The following KCNB2 variants were observed in gnomAD, a reference collection of about 807,000 sequenced individuals.
KCNB2 encodes the protein delayed rectifier potassium channel protein.
KCNB2 carries 15 observed loss-of-function variants against 61.5 expected under a neutral mutation model. That is an observed-to-expected ratio of 0.24 (90% CI 0.16 to 0.38). The LOEUF (loss-of-function observed/expected upper bound fraction) is 0.38, where lower values mean the gene tolerates loss of function less well. KCNB2 is among the 10% of genes least tolerant of loss of function. KCNB2 has a pLI of 1.00. For missense variants in KCNB2, 828 were observed against 1,125.2 expected, an observed-to-expected ratio of 0.74 and a Z score of 3.78; for synonymous variants, 457 against 446.0, an observed-to-expected ratio of 1.02 and a Z score of -0.31.
At chr8:72,719,517 A>G (rs987702041) in intron 2 of KCNB2, among the ~76,000 whole-genome samples, 1 of 152,272 alleles carries the variant, frequency 6.6e-6, no homozygotes, top group South Asian at 2.1e-4. Flanking sequence ...GCACTTACCA[A>G]TTTAGTATGC....
chr8:72,605,646 A>G (rs1317229531), intron 2 of KCNB2, among the ~76,000 whole-genome samples: 1 of 152,206 alleles, frequency 6.6e-6, no homozygotes, highest in Non-Finnish European at 1.5e-5. Flanking sequence ...AAAGTGCTTC[A>G]GCCTTTGAAG....
chr8:72,848,248 T>C (rs1810033513), intron 2 of KCNB2, among the ~76,000 whole-genome samples: 1 of 152,220 alleles, frequency 6.6e-6, no homozygotes, highest in Non-Finnish European at 1.5e-5. Flanking sequence ...TTTCCAGATA[T>C]GAAAGGGCTT....
At chr8:72,739,793 C>T (rs1807917424) in intron 2 of KCNB2, among the ~76,000 whole-genome samples, 1 of 152,112 alleles carries the variant, frequency 6.6e-6, no homozygotes. Context: ...ACTCAATCAT[C>T]AGTTCTATCA....
intron 2 of KCNB2, among the ~76,000 whole-genome samples, chr8:72,729,594 T>C (rs949308439): frequency 1.3e-5 from 2 of 152,148 alleles, no homozygotes; most frequent in Non-Finnish European, 2.9e-5. Flanking sequence ...CTAAGAATAT[T>C]TGGGTCTTGC....
intron 2 of KCNB2, among the ~76,000 whole-genome samples, chr8:72,582,730 A>G (rs746193760): frequency 6.6e-6 from 1 of 152,124 alleles, no homozygotes; most frequent in Non-Finnish European, 1.5e-5. Context: ...CTCCTGCCTC[A>G]GCCTCCTGAG....
intron 1 of KCNB2, among the ~76,000 whole-genome samples, chr8:72,560,189 G>C (rs1806491408): frequency 6.6e-6 from 1 of 152,132 alleles, no homozygotes; most frequent in Non-Finnish European, 1.5e-5. Context: ...CCTTGTACAT[G>C]AATATTACTA....
intron 2 of KCNB2, among the ~76,000 whole-genome samples, chr8:72,578,701 T>C (rs2128980116): frequency 6.6e-6 from 1 of 152,294 alleles, no homozygotes; most frequent in South Asian, 2.1e-4. Flanking sequence ...CAGTAAACTG[T>C]TTTGATAGGC....
intron 2 of KCNB2, among the ~76,000 whole-genome samples, chr8:72,843,963 A>G (rs1809940797): frequency 6.6e-6 from 1 of 152,188 alleles, no homozygotes; most frequent in Non-Finnish European, 1.5e-5. Flanking sequence ...TTATGTGTGA[A>G]TTTGATCTTG....
chr8:72,766,296 C>T (rs1808459941), intron 2 of KCNB2, among the ~76,000 whole-genome samples: 2 of 152,210 alleles, frequency 1.3e-5, no homozygotes, highest in Non-Finnish European at 2.9e-5. Context: ...GAGATTCTCA[C>T]ATCCAGCCAA....
intron 2 of KCNB2, among the ~76,000 whole-genome samples, chr8:72,639,631 C>T (rs938326486): frequency 7.2e-5 from 11 of 151,968 alleles, no homozygotes; most frequent in East Asian, 3.9e-4. Context: ...TAACTTCATC[C>T]GAGTTTGGCT....
intron 2 of KCNB2, among the ~76,000 whole-genome samples, chr8:72,665,086 GA>G: frequency 6.6e-6 from 1 of 152,324 alleles, no homozygotes; most frequent in Non-Finnish European, 1.5e-5. Flanking sequence ...ATATCAGCTG[GA>G]AAGCCACCGG....
At chr8:72,675,844 G>A (rs531147340) in intron 2 of KCNB2, among the ~76,000 whole-genome samples, 14 of 152,190 alleles carry the variant, frequency 9.2e-5, no homozygotes, top group African/African-American at 2.7e-4. Context: ...GAGTCACCGC[G>A]CCTGGCCTGC....
At chr8:72,558,268 A>G (rs1048007052) in intron 1 of KCNB2, among the ~76,000 whole-genome samples, 1 of 152,158 alleles carries the variant, frequency 6.6e-6, no homozygotes, top group Non-Finnish European at 1.5e-5. Context: ...ATATCTGTCT[A>G]CCTCCATGAG....
chr8:72,614,088 T>G (rs533599022), intron 2 of KCNB2, among the ~76,000 whole-genome samples: 2 of 152,302 alleles, frequency 1.3e-5, no homozygotes, highest in East Asian at 3.9e-4. Context: ...CACACATTGA[T>G]GTAAATTAGT....
At chr8:72,641,531 T>A (rs1278976947) in intron 2 of KCNB2, among the ~76,000 whole-genome samples, 2 of 152,092 alleles carry the variant, frequency 1.3e-5, no homozygotes, top group Non-Finnish European at 1.5e-5. Context: ...TATGTCACAT[T>A]AAATTAATGA....
chr8:72,624,317 C>T (rs1805755871), intron 2 of KCNB2, among the ~76,000 whole-genome samples: 1 of 152,136 alleles, frequency 6.6e-6, no homozygotes, highest in African/African-American at 2.4e-5. Flanking sequence ...ACTGGGAAAA[C>T]ATCCTCGAAG....
intron 2 of KCNB2, among the ~76,000 whole-genome samples, chr8:72,636,231 G>A (rs142721351): frequency 8.6e-4 from 131 of 152,232 alleles, no homozygotes; most frequent in Non-Finnish European, 1.6e-3. Context: ...CATGGTTTTA[G>A]TTAAGCTGAA....
Position 72,912,316 on chromosome 8 carries a change from T to C in KCNB2, c.580-23619T>C, listed in dbSNP as rs59826096. On this transcript the variant is annotated intron_variant, in intron 2 of 2. Transcript: ENST00000523207. ...AAGATGACTGGCGGCTCTCCACTTATGAAAATACATGAGGTGGATGAAATA... is the reference window on the plus strand; with the variant it reads ...AAGATGACTGGCGGCTCTCCACTTACGAAAATACATGAGGTGGATGAAATA... 4.0e-3 allele frequency among the ~76,000 whole-genome samples: 612 copies of C among 152,048 alleles called. 2 individuals are homozygous for C. The highest frequency in any genetic ancestry group is 0.013 in the African/African-American group (552 of 41,490).
At chr8:72,743,264 A>C (rs761276927) in intron 2 of KCNB2, among the ~76,000 whole-genome samples, 2 of 152,228 alleles carry the variant, frequency 1.3e-5, no homozygotes, top group Non-Finnish European at 2.9e-5. Context: ...TTCCTTATGA[A>C]ATGTTAGACA....
Sources: allele counts gnomAD v4.1 joint callset (sites outside exome capture counted in the v4.1 genomes callset), GRCh38; gene constraint gnomAD v4.1.1; transcripts MANE v1.5; gene names NCBI Gene and HGNC (gene_info 2026-07-23, HGNC 2026-07-21).